Variants in LIN7A observed in about 807,000 individuals in gnomAD.
The protein encoded by LIN7A is protein lin-7 homolog A.
In LIN7A, 25 loss-of-function variants were observed where a neutral mutation model predicts 29.8. The observed-to-expected ratio is 0.84, with a 90% CI of 0.61 to 1.17. LIN7A has a LOEUF of 1.17. Ranked by LOEUF, LIN7A falls within the 50% of genes most tolerant of loss-of-function variation. LIN7A has a pLI of 0.00. For synonymous variants in LIN7A, 118 were observed against 107.5 expected (o/e 1.10, Z -0.60); for missense variants, 239 against 287.0 (o/e 0.83, Z 1.21).
At chr12:80,823,560 C>T (rs1871918085) in intron 4 of LIN7A, among the ~76,000 whole-genome samples, 1 of 152,242 alleles carries the variant, frequency 6.6e-6, no homozygotes, top group Admixed American at 6.5e-5. Flanking sequence ...ACACTCCTCA[C>T]CACTCTGCAT....
At chr12:80,810,536 T>C (rs1037774263) in intron 5 of LIN7A, among the ~76,000 whole-genome samples, 1 of 152,154 alleles carries the variant, frequency 6.6e-6, no homozygotes, top group African/African-American at 2.4e-5. Context: ...GCTGTTGTAA[T>C]AATGCTGTAT....
rs1318199370 is a variant in LIN7A, at chr12:80,845,806, C to T, written c.407G>A (p.Arg136His). Residue 136 changes from arginine (R) to histidine (H), a missense_variant, in exon 4 of 6, where the codon CGC becomes CAC. Physicochemically the swap from Arg to His is conservative, Grantham distance 29. Coordinates refer to ENST00000552864, the MANE Select transcript of LIN7A (RefSeq NM_004664.4). ...KEQNSPIYIS[R>H]IIPGGVAERH... ...TTCAGCCACCCCTCCAGGAATTATG[C>T]GAGAGATATAAATGGGGGAATTTTG... The T allele has an allele frequency of 4.3e-6, 7 of 1,613,778 alleles. No homozygotes were observed. The highest frequency in any genetic ancestry group is 5.9e-6 in the Non-Finnish European group (7 of 1,179,902).
chr12:80,919,286 G>T (rs573193564), intron 1 of LIN7A, among the ~76,000 whole-genome samples: 1 of 152,168 alleles, frequency 6.6e-6, no homozygotes, highest in African/African-American at 2.4e-5. Flanking sequence ...ATGAGTTAAC[G>T]TTGCAAAACA....
chr12:80,934,736 T>G (rs947781578), intron 1 of LIN7A, among the ~76,000 whole-genome samples: 11 of 152,196 alleles, frequency 7.2e-5, no homozygotes, highest in African/African-American at 2.7e-4. Flanking sequence ...TCTCTTATCA[T>G]CACATTTTCA....
At chr12:80,865,343 G>A (rs903264416) in intron 2 of LIN7A, among the ~76,000 whole-genome samples, 2 of 110,886 alleles carry the variant, frequency 1.8e-5, no homozygotes, top group African/African-American at 7.1e-5. Flanking sequence ...TTTTTAAACT[G>A]AGTGGCCTAT....
chr12:80,848,971 A>G (rs560618188), intron 2 of LIN7A, among the ~76,000 whole-genome samples: 3 of 152,174 alleles, frequency 2.0e-5, no homozygotes, highest in Non-Finnish European at 4.4e-5. Context: ...CTATTTGTTG[A>G]GTGTCTGGGA....
chr12:80,865,320 A>G (rs1041913587), intron 2 of LIN7A, among the ~76,000 whole-genome samples: 3 of 152,206 alleles, frequency 2.0e-5, no homozygotes, highest in Non-Finnish European at 4.4e-5. Flanking sequence ...GTCATTTTAA[A>G]AAAAAGGTTT....
chr12:80,840,376 G>A (rs1005445210), intron 4 of LIN7A, among the ~76,000 whole-genome samples: 1 of 152,172 alleles, frequency 6.6e-6, no homozygotes, highest in African/African-American at 2.4e-5. Flanking sequence ...TTGCAGTAAA[G>A]GTTGAAATCC....
chr12:80,870,329 G>T (rs1874364103), intron 2 of LIN7A, among the ~76,000 whole-genome samples: 1 of 152,114 alleles, frequency 6.6e-6, no homozygotes. Context: ...CTAAAGTGTG[G>T]ATTAAATAAT....
intron 2 of LIN7A, among the ~76,000 whole-genome samples, chr12:80,871,920 G>A (rs1016772349): frequency 6.6e-6 from 1 of 151,938 alleles, no homozygotes; most frequent in Non-Finnish European, 1.5e-5. Context: ...TTTTCTCACT[G>A]TTAGCTCATT....
At chr12:80,920,200 G>A (rs73345640) in intron 1 of LIN7A, among the ~76,000 whole-genome samples, 10,925 of 152,102 alleles carry the variant, frequency 0.072, 1,281 homozygotes, top group African/African-American at 0.25. Flanking sequence ...TGAGCGTGGC[G>A]GTGCTCCAAT....
chr12:80,904,848 T>C (rs1437603486), intron 1 of LIN7A, among the ~76,000 whole-genome samples: 3 of 152,230 alleles, frequency 2.0e-5, no homozygotes, highest in African/African-American at 4.8e-5. Context: ...AAGGTAATTT[T>C]ATGCAATATT....
chr12:80,896,396 G>T (rs1875897853), intron 1 of LIN7A, among the ~76,000 whole-genome samples: 1 of 152,124 alleles, frequency 6.6e-6, no homozygotes, highest in African/African-American at 2.4e-5. Context: ...ACCAAATAAT[G>T]TTCAGTTTAA....
At chr12:80,828,316 C>T (rs530810089) in intron 4 of LIN7A, among the ~76,000 whole-genome samples, 4 of 152,080 alleles carry the variant, frequency 2.6e-5, no homozygotes, top group African/African-American at 7.2e-5. Flanking sequence ...AAACAAAAAA[C>T]CATTTGGTTA....
At chr12:80,863,732 G>C (rs1920994) in intron 2 of LIN7A, among the ~76,000 whole-genome samples, 1 of 152,030 alleles carries the variant, frequency 6.6e-6, no homozygotes. Flanking sequence ...ATTTTTTTAA[G>C]GATCAAGTTA....
At chr12:80,879,271 G>A (rs549237889) in intron 2 of LIN7A, among the ~76,000 whole-genome samples, 1 of 152,098 alleles carries the variant, frequency 6.6e-6, no homozygotes, top group East Asian at 1.9e-4. Context: ...GGGGTAGGAG[G>A]GGGTGGGATA....
chr12:80,795,790 A>G lies in LIN7A; in HGVS notation c.*1937T>C, dbSNP rs1870417431. 2 of 152,106 alleles carry G rather than the reference A, an allele frequency of 1.3e-5. No individual in the cohort carries two copies. Among genetic ancestry groups the G allele is most frequent in the South Asian group, 2.1e-4 (1 of 4,836 alleles). The allele number at this position is 152,106 out of a possible 1,614,324, so 9.4% of individuals were successfully genotyped here. ...AATTTTTCTTATAAAAATGTGAACTATCTCTTTCAAACTGAATAATACATC... is the reference window on the plus strand; with the variant it reads ...AATTTTTCTTATAAAAATGTGAACTGTCTCTTTCAAACTGAATAATACATC... On this transcript the variant is annotated 3_prime_UTR_variant, in exon 6 of 6. Transcript: ENST00000552864.
intron 2 of LIN7A, among the ~76,000 whole-genome samples, chr12:80,873,853 T>G (rs1275994054): frequency 6.6e-6 from 1 of 151,442 alleles, no homozygotes; most frequent in Non-Finnish European, 1.5e-5. Flanking sequence ...ATTTTTATGT[T>G]TGCTTTTTTT....
chr12:80,934,239 A>C (rs1878080044), intron 1 of LIN7A, among the ~76,000 whole-genome samples: 1 of 152,214 alleles, frequency 6.6e-6, no homozygotes, highest in South Asian at 2.1e-4. Flanking sequence ...ATGTCTCTTT[A>C]TCACACCAGT....
Sources: allele counts gnomAD v4.1 joint callset (sites outside exome capture counted in the v4.1 genomes callset), GRCh38; gene constraint gnomAD v4.1.1; transcripts MANE v1.5; gene names NCBI Gene and HGNC (gene_info 2026-07-23, HGNC 2026-07-21).